Variants in ESR1 observed in about 807,000 individuals in gnomAD.
The protein encoded by ESR1 is estrogen receptor.
In ESR1, 12 loss-of-function variants were observed where a neutral mutation model predicts 52.7. The observed-to-expected ratio is 0.23, with a 90% confidence interval of 0.15 to 0.37. The LOEUF is 0.37. ESR1 is among the 10% of genes least tolerant of loss of function. The pLI, the probability that ESR1 is intolerant of heterozygous loss-of-function variation, is 1.00. For synonymous variants in ESR1, 305 were observed against 316.8 expected (o/e 0.96, Z 0.39); for missense variants, 584 against 779.7 (o/e 0.75, Z 2.99).
At chr6:151,693,712 G>C (rs1400801879) in intron 1 of ESR1, among the ~76,000 whole-genome samples, 1 of 152,128 alleles carries the variant, frequency 6.6e-6, no homozygotes, top group Non-Finnish European at 1.5e-5. Flanking sequence ...CCGCCTCCCA[G>C]GTTCAAGCAA....
intron 4 of ESR1, among the ~76,000 whole-genome samples, chr6:151,998,706 CTG>C (rs1222713170): frequency 6.6e-6 from 1 of 152,124 alleles, no homozygotes; most frequent in Non-Finnish European, 1.5e-5. Context: ...TCTTGAACAA[CTG>C]GAGTTAATTC....
At chr6:151,786,913 G>A (rs184992154) in intron 2 of ESR1, among the ~76,000 whole-genome samples, 114 of 152,254 alleles carry the variant, frequency 7.5e-4, no homozygotes, top group Non-Finnish European at 3.1e-4. Context: ...AGGTTCAAGC[G>A]ATTCCCCTGC....
At chr6:152,054,774 C>A (rs760317803) in intron 5 of ESR1, among the ~76,000 whole-genome samples, 11 of 152,192 alleles carry the variant, frequency 7.2e-5, no homozygotes, top group Non-Finnish European at 1.6e-4. Flanking sequence ...TTTCCAGTAC[C>A]ATTCAATCTT....
intron 1 of ESR1, among the ~76,000 whole-genome samples, chr6:151,660,771 T>C (rs1777611340): frequency 6.6e-6 from 1 of 152,224 alleles, no homozygotes; most frequent in Non-Finnish European, 1.5e-5. Flanking sequence ...AAGAAAGATA[T>C]CACATATATG....
rs754472750 is a variant in ESR1, at chr6:151,944,195, A to G, written c.783A>G (p.Gly261=). 1 of 1,613,864 alleles carries G rather than the reference A, an allele frequency of 6.2e-7. No individual in the cohort carries two copies. The highest frequency in any genetic ancestry group is 8.5e-7 in the Non-Finnish European group (1 of 1,179,942). The change falls in exon 4 of 8, where the codon GGA becomes GGG. Residue 261 remains glycine, a synonymous_variant. Transcript: ENST00000206249. ...CAGGGATACGAAAAGACCGAAGAGG[A>G]GGGAGAATGTTGAAACACAAGCGCC... ...MKGGIRKDRR[G]GRMLKHKRQR...
intron 2 of ESR1, among the ~76,000 whole-genome samples, chr6:151,774,023 A>G (rs1388749242): frequency 6.6e-6 from 1 of 152,322 alleles, no homozygotes; most frequent in East Asian, 1.9e-4. Flanking sequence ...TGCATGAAAT[A>G]GGTGTTCAGT....
intron 1 of ESR1, chr6:151,809,197 C>A (rs1312639989): frequency 2.2e-6 from 1 of 458,948 alleles, no homozygotes; most frequent in Admixed American, 2.4e-5. Context: ...CCAGGGTCTG[C>A]GCCTCGCAGC....
chr6:151,997,465 G>A (rs1192509706), intron 4 of ESR1, among the ~76,000 whole-genome samples: 1 of 152,046 alleles, frequency 6.6e-6, no homozygotes, highest in East Asian at 1.9e-4. Context: ...CCCCAGTGTT[G>A]CAAAATGAGT....
chr6:152,126,317 A>T (rs980420917), exon 7 of ESR1: 16 of 152,164 alleles, frequency 1.1e-4, no homozygotes, highest in African/African-American at 3.9e-4. Flanking sequence ...TGTTCTAGCG[A>T]TTTTAGTATC....
chr6:151,941,856 T>C (rs2128516884), intron 3 of ESR1, among the ~76,000 whole-genome samples: 1 of 152,344 alleles, frequency 6.6e-6, no homozygotes, highest in Admixed American at 6.5e-5. Context: ...TTTGGGCTCA[T>C]AAAGAACAAG....
At chr6:151,984,454 C>T (rs969618324) in intron 4 of ESR1, among the ~76,000 whole-genome samples, 1 of 152,100 alleles carries the variant, frequency 6.6e-6, no homozygotes, top group African/African-American at 2.4e-5. Context: ...AATGTTGGGA[C>T]TTGAAGTTAG....
At chr6:152,055,300 A>G (rs1422680077) in intron 5 of ESR1, among the ~76,000 whole-genome samples, 3 of 152,110 alleles carry the variant, frequency 2.0e-5, no homozygotes, top group Non-Finnish European at 4.4e-5. Flanking sequence ...TACATATCCA[A>G]CCAAGCACGC....
At chr6:151,798,654 T>C (rs1776940202) in intron 2 of ESR1, among the ~76,000 whole-genome samples, 1 of 152,242 alleles carries the variant, frequency 6.6e-6, no homozygotes, top group African/African-American at 2.4e-5. Context: ...CCAATGAGTA[T>C]GATAGCTTCA....
chr6:151,658,393 C>T (rs1055521048), intron 1 of ESR1, among the ~76,000 whole-genome samples: 1 of 152,224 alleles, frequency 6.6e-6, no homozygotes, highest in African/African-American at 2.4e-5. Context: ...TCCTCACTCA[C>T]ACACAGCACA....
chr6:152,118,273 G>T (rs1181488715), intron 6 of ESR1: 2 of 151,986 alleles, frequency 1.3e-5, no homozygotes, highest in Non-Finnish European at 2.9e-5. Flanking sequence ...GACATAACTG[G>T]TGCTGGGAAA....
intron 2 of ESR1, among the ~76,000 whole-genome samples, chr6:151,863,712 G>C (rs971050307): frequency 1.3e-5 from 2 of 152,068 alleles, no homozygotes; most frequent in Non-Finnish European, 2.9e-5. Context: ...CCAAAACAGA[G>C]ATATAGACCA....
At chr6:152,006,991 A>G (rs1351074456) in intron 4 of ESR1, among the ~76,000 whole-genome samples, 1 of 152,040 alleles carries the variant, frequency 6.6e-6, no homozygotes, top group African/African-American at 2.4e-5. Flanking sequence ...TAATTACTGT[A>G]GTGCTTACTT....
At chr6:152,012,267 C>T (rs566857674) in intron 5 of ESR1, among the ~76,000 whole-genome samples, 13 of 151,806 alleles carry the variant, frequency 8.6e-5, no homozygotes, top group South Asian at 2.1e-4. Flanking sequence ...ACATTCAGGT[C>T]GACAAATTCA....
At chr6:152,064,192 T>G (rs1201984669) in intron 6 of ESR1, among the ~76,000 whole-genome samples, 1 of 152,218 alleles carries the variant, frequency 6.6e-6, no homozygotes, top group African/African-American at 2.4e-5. Context: ...CTTCAAGACA[T>G]TCTGAGAACT....
Sources: allele counts gnomAD v4.1 joint callset (sites outside exome capture counted in the v4.1 genomes callset), GRCh38; gene constraint gnomAD v4.1.1; transcripts MANE v1.5; gene names NCBI Gene and HGNC (gene_info 2026-07-23, HGNC 2026-07-21).